AXIN1: variants seen among roughly 807,000 people sequenced by gnomAD.
AXIN1 encodes axin 1, also known as axin-1.
A neutral mutation model predicts 76.4 loss-of-function variants in AXIN1; 30 were observed. The ratio of observed to expected loss-of-function variants is 0.39; its 90% CI spans 0.29 to 0.53. AXIN1 has a LOEUF of 0.53. AXIN1 is among the 20% of genes least tolerant of loss of function. The pLI is 0.66. For missense variants in AXIN1, 1,140 were observed against 1,198.8 expected (o/e 0.95, Z 0.72); for synonymous variants, 545 against 501.4 (o/e 1.09, Z -1.16).
chr16:305,701 G>A (rs2053003380), intron 4 of AXIN1, among the ~76,000 whole-genome samples: 1 of 151,952 alleles, frequency 6.6e-6, no homozygotes. Flanking sequence ...CTGCCACCAT[G>A]CCCGGCTAAT....
At chr16:349,427 G>A (rs983982377) in intron 1 of AXIN1, among the ~76,000 whole-genome samples, 1 of 152,180 alleles carries the variant, frequency 6.6e-6, no homozygotes, top group African/African-American at 2.4e-5. Flanking sequence ...CGCCATCACA[G>A]GAAAGAAGGC....
intron 2 of AXIN1, among the ~76,000 whole-genome samples, chr16:332,064 G>A (rs72765853): frequency 0.058 from 8,809 of 152,198 alleles, 299 homozygotes; most frequent in Middle Eastern, 0.075. Flanking sequence ...AGGGGCTCGC[G>A]GATGGCCTGA....
rs746504646 is a variant in AXIN1 at position 291,243 on chromosome 16, C to T, written c.2241G>A (p.Ala747=). 2.9e-5 allele frequency: 46 copies of T among 1,587,202 alleles called. No homozygotes were observed. The highest frequency in any genetic ancestry group is 3.6e-5 in the Admixed American group (2 of 55,204). Residue 747 remains alanine, a synonymous_variant, in exon 9 of 11, where the codon GCG becomes GCA. Coordinates refer to ENST00000262320, the MANE Select transcript of AXIN1 (RefSeq NM_003502.4). ...CGGCTGGTACCACGTGCAGCACCGG[C>T]GCGCACGCTGGCCTGACGCAGGCGC... The part of the protein sequence containing the change: ...RGRACVRPAC[A]PVLHVVPAVS...
At chr16:339,278 C>A (rs1245894053) in intron 2 of AXIN1, among the ~76,000 whole-genome samples, 1 of 143,586 alleles carries the variant, frequency 7.0e-6, no homozygotes, top group African/African-American at 2.6e-5. Flanking sequence ...CTGAGGTAGG[C>A]GGATCACAAG....
rs564807430 is a variant in AXIN1, at chr16:316,682, G to A, written c.879-1999C>T. Among the ~76,000 whole-genome samples, 9 of 152,204 alleles carry A rather than the reference G, an allele frequency of 5.9e-5. No individual in the cohort carries two copies. The South Asian group carries it at 1.9e-3, about 31-fold the overall frequency. The stretch of plus-strand genomic sequence containing the variant: ...CTGACAGTCGTCAGCCTCACAGGGG[G>A]TTTATCACATTGCACCCTGACAGTC... On this transcript the variant is annotated intron_variant, in intron 2 of 10. Coordinates refer to ENST00000262320, the MANE Select transcript of AXIN1 (RefSeq NM_003502.4).
chr16:352,221 G>T, intron 1 of AXIN1, 148 bp downstream of exon 1: 1 of 409,390 alleles, frequency 2.4e-6, no homozygotes, highest in Non-Finnish European at 3.3e-6. Flanking sequence ...CGCCAGTCCC[G>T]CTGCCCAGGG....
chr16:300,988 T>C (rs1203103956), intron 5 of AXIN1, among the ~76,000 whole-genome samples: 1 of 152,176 alleles, frequency 6.6e-6, no homozygotes, highest in African/African-American at 2.4e-5. Flanking sequence ...AAATAGGTTA[T>C]TTAAAAAATC....
At chr16:349,829 C>T (rs114957976) in intron 1 of AXIN1, among the ~76,000 whole-genome samples, 1 of 152,162 alleles carries the variant, frequency 6.6e-6, no homozygotes, top group Non-Finnish European at 1.5e-5. Context: ...GACAGGGTCT[C>T]GCTCTGTCGC....
rs1179605286 is a variant in AXIN1 at position 293,969 on chromosome 16, G to A, written c.1956-251C>T. On this transcript the variant is annotated intron_variant, in intron 7 of 10. Transcript: ENST00000262320. The surrounding 1 kb of genome is among the most constrained non-coding windows in gnomAD (Gnocchi z 4.6). ...GAGGCGGGCAGATCACCAGAGGTCG[G>A]GAGTTCGAGATCAACCTAACATGGT... Among the ~76,000 whole-genome samples the A allele has an allele frequency of 6.7e-6, 1 of 148,974 alleles. No homozygotes were observed.
At chr16:315,623 C>G (rs1325909607) in intron 2 of AXIN1, among the ~76,000 whole-genome samples, 3 of 152,014 alleles carry the variant, frequency 2.0e-5, no homozygotes, top group African/African-American at 7.3e-5. Context: ...GTCAGGAGAT[C>G]GAGACCATCC....
rs765161459 is a variant in AXIN1 at position 298,179 on chromosome 16, C to T, written c.1327G>A (p.Ala443Thr). The T allele has an allele frequency of 7.8e-5, 120 of 1,542,460 alleles. 1 individual carries two copies. The highest frequency in any genetic ancestry group is 3.3e-4 in the African/African-American group (24 of 73,236). Residue 443 changes from alanine to threonine, a missense_variant, in exon 6 of 11, where the codon GCT becomes ACT. Ala to Thr is a moderately conservative substitution (Grantham distance 58, BLOSUM62 0). Transcript: ENST00000262320. The part of the protein sequence containing the change: ...GPCHKLPPAP[A>T]WHHFPPRCVD... ...CAGCGGGGCGGGAAGTGGTGCCAAG[C>T]GGGGGCGGGAGGCAGCTTGTGACAC... is the stretch of plus-strand genomic sequence containing the variant.
At chr16:296,335 G>T (rs1301919177) in intron 7 of AXIN1, among the ~76,000 whole-genome samples, 1 of 152,256 alleles carries the variant, frequency 6.6e-6, no homozygotes, top group East Asian at 1.9e-4. Flanking sequence ...GTGGGGGGCA[G>T]ATCAGGACCT....
chr16:295,087 T>C (rs1474475971), intron 7 of AXIN1, among the ~76,000 whole-genome samples: 1 of 150,364 alleles, frequency 6.7e-6, no homozygotes, highest in Non-Finnish European at 1.5e-5. Context: ...AAAAATTCTT[T>C]CATGGAGACT....
At chr16:296,327 G>T (rs902971685) in intron 7 of AXIN1, among the ~76,000 whole-genome samples, 7 of 152,372 alleles carry the variant, frequency 4.6e-5, no homozygotes, top group Middle Eastern at 6.8e-3. Context: ...GGGTGAGGGT[G>T]GGGGGCAGAT....
At chr16:308,322 G>C (rs8059634) in intron 4 of AXIN1, among the ~76,000 whole-genome samples, 66,827 of 152,014 alleles carry the variant, frequency 0.44, 14,988 homozygotes, top group South Asian at 0.64. Context: ...CCAGGTCCAC[G>C]TTCCAGGCAC....
chr16:299,265 T>A (rs2052802923), intron 5 of AXIN1: 2 of 984,624 alleles, frequency 2.0e-6, no homozygotes, highest in Non-Finnish European at 2.4e-6. Flanking sequence ...TATTTTCTCA[T>A]CTTATTGGAC....
intron 2 of AXIN1, among the ~76,000 whole-genome samples, chr16:319,492 A>G (rs1441765161): frequency 6.6e-6 from 1 of 152,178 alleles, no homozygotes; most frequent in Non-Finnish European, 1.5e-5. Flanking sequence ...TTTGACAGCT[A>G]CAAGGACCCT....
chr16:295,993 T>C (rs2052701754), intron 7 of AXIN1, among the ~76,000 whole-genome samples: 2 of 152,052 alleles, frequency 1.3e-5, no homozygotes, highest in Non-Finnish European at 2.9e-5. Flanking sequence ...AGGCCAGGAA[T>C]GGTGGCTCAT....
At chr16:335,577 C>T (rs144446803) in intron 2 of AXIN1, among the ~76,000 whole-genome samples, 385 of 151,960 alleles carry the variant, frequency 2.5e-3, no homozygotes, top group Non-Finnish European at 4.5e-3. Flanking sequence ...TAACACAGCA[C>T]CCAGTACCAT....
Sources: allele counts gnomAD v4.1 joint callset (sites outside exome capture counted in the v4.1 genomes callset), GRCh38; gene constraint gnomAD v4.1.1; non-coding constraint Gnocchi (gnomAD v3.1); transcripts MANE v1.5; gene names NCBI Gene and HGNC (gene_info 2026-07-23, HGNC 2026-07-21).